Variants in RBFOX1 observed in about 807,000 individuals in gnomAD.
RBFOX1 encodes RNA binding protein fox-1 homolog 1.
Under a neutral mutation model 57.7 loss-of-function variants are expected in RBFOX1, and 8 were observed. The observed-to-expected ratio is 0.14, with a 90% CI of 0.08 to 0.25. The LOEUF is 0.25. Ranked by LOEUF, RBFOX1 falls within the 10% of genes least tolerant of loss-of-function variation. RBFOX1 has a pLI of 1.00. For missense variants in RBFOX1, 611 were observed against 548.5 expected, an observed-to-expected ratio of 1.11 and a Z score of -1.14; for synonymous variants, 326 against 222.4, an observed-to-expected ratio of 1.47 and a Z score of -4.15.
chr16:5,472,400 A>AG (rs1432206063), intron 2 of RBFOX1, among the ~76,000 whole-genome samples: 1 of 152,136 alleles, frequency 6.6e-6, no homozygotes, highest in African/African-American at 2.4e-5. Flanking sequence ...CATTTGCAGC[A>AG]GGGGGGATCC....
intron 3 of RBFOX1, among the ~76,000 whole-genome samples, chr16:6,734,173 T>A (rs183534772): frequency 6.6e-6 from 1 of 152,176 alleles, no homozygotes; most frequent in Non-Finnish European, 1.5e-5. Flanking sequence ...TTTTGTGCTT[T>A]TGATTTCAGC....
At chr16:6,403,799 A>G (rs1175465679) in intron 2 of RBFOX1, among the ~76,000 whole-genome samples, 2 of 152,290 alleles carry the variant, frequency 1.3e-5, no homozygotes, top group East Asian at 1.9e-4. Flanking sequence ...CCATGTATGG[A>G]AACCCTACCC....
intron 3 of RBFOX1, among the ~76,000 whole-genome samples, chr16:5,742,891 T>C (rs1025515593): frequency 6.6e-6 from 1 of 152,164 alleles, no homozygotes; most frequent in African/African-American, 2.4e-5. Flanking sequence ...TCTGGTCAGG[T>C]GTTGGGATAA....
intron 3 of RBFOX1, chr16:5,610,738 CAT>C (rs1387382666): frequency 1.3e-5 from 2 of 151,844 alleles, no homozygotes; most frequent in Non-Finnish European, 2.9e-5. Flanking sequence ...CGTGGTAGCA[CAT>C]GTCTTCAGTC....
At chr16:5,558,031 G>T (rs897348553) in intron 2 of RBFOX1, among the ~76,000 whole-genome samples, 1 of 152,130 alleles carries the variant, frequency 6.6e-6, no homozygotes, top group Non-Finnish European at 1.5e-5. Context: ...AACTCCGGGG[G>T]AGGACTGCCT....
intron 3 of RBFOX1, among the ~76,000 whole-genome samples, chr16:5,783,022 C>A (rs75665218): frequency 0.019 from 2,898 of 152,278 alleles, 100 homozygotes; most frequent in African/African-American, 0.064. Context: ...TGCATCCCCC[C>A]AAACACCCTC....
chr16:6,165,000 A>G (rs1299221582), intron 1 of RBFOX1, among the ~76,000 whole-genome samples: 3 of 152,140 alleles, frequency 2.0e-5, no homozygotes, highest in Admixed American at 6.5e-5. Flanking sequence ...ATTTATATGT[A>G]TATTTAATAT....
At chr16:7,428,658 A>C (rs1231450193) in intron 4 of RBFOX1, among the ~76,000 whole-genome samples, 1 of 151,808 alleles carries the variant, frequency 6.6e-6, no homozygotes, top group African/African-American at 2.4e-5. Context: ...GGTGTGAGTC[A>C]CTGCACCTGA....
intron 4 of RBFOX1, among the ~76,000 whole-genome samples, chr16:7,284,533 A>G (rs1015663051): frequency 6.6e-6 from 1 of 152,052 alleles, no homozygotes; most frequent in Non-Finnish European, 1.5e-5. Flanking sequence ...GTCCTGCTAT[A>G]TTGTCCAGAT....
intron 4 of RBFOX1, among the ~76,000 whole-genome samples, chr16:5,989,880 A>ACACACACACC (rs33912010): frequency 0.054 from 6,930 of 127,188 alleles, 445 homozygotes; most frequent in African/African-American, 0.12. Context: ...ACACACACAC[A>ACACACACACC]CCACCCCTGT....
chr16:6,899,313 G>A (rs908832365), intron 3 of RBFOX1, among the ~76,000 whole-genome samples: 3 of 152,152 alleles, frequency 2.0e-5, no homozygotes, highest in Admixed American at 6.6e-5. Flanking sequence ...GCATGTGTAT[G>A]TTTCAGGGTT....
At chr16:6,101,007 C>A (rs2096300353) in intron 1 of RBFOX1, among the ~76,000 whole-genome samples, 1 of 152,158 alleles carries the variant, frequency 6.6e-6, no homozygotes, top group Non-Finnish European at 1.5e-5. Context: ...CAGGTTCCTC[C>A]TATAGAGTTT....
At chr16:6,596,745 G>A (rs936810384) in intron 2 of RBFOX1, among the ~76,000 whole-genome samples, 1 of 152,132 alleles carries the variant, frequency 6.6e-6, no homozygotes, top group African/African-American at 2.4e-5. Flanking sequence ...TCTGAGCAAA[G>A]CCCTTCTTCC....
At chr16:7,167,951 A>C (rs905353849) in intron 4 of RBFOX1, among the ~76,000 whole-genome samples, 1 of 152,168 alleles carries the variant, frequency 6.6e-6, no homozygotes, top group Non-Finnish European at 1.5e-5. Flanking sequence ...GGATGTTTGT[A>C]GTGAGAGTCT....
intron 1 of RBFOX1, among the ~76,000 whole-genome samples, chr16:5,378,344 C>G (rs2066042314): frequency 6.6e-6 from 1 of 151,518 alleles, no homozygotes; most frequent in South Asian, 2.1e-4. Flanking sequence ...CGGACTCTCG[C>G]TCTCCAACAC....
At chr16:7,181,665 C>T (rs549739090) in intron 4 of RBFOX1, among the ~76,000 whole-genome samples, 14 of 152,018 alleles carry the variant, frequency 9.2e-5, no homozygotes, top group Non-Finnish European at 1.8e-4. Flanking sequence ...CAGGTCCAAG[C>T]GATTCGTGTG....
chr16:5,458,262 C>T (rs577791101), intron 1 of RBFOX1, among the ~76,000 whole-genome samples: 1 of 152,176 alleles, frequency 6.6e-6, no homozygotes, highest in Admixed American at 6.5e-5. Context: ...CCAGCATGTG[C>T]TGCATGTAGT....
intron 1 of RBFOX1, among the ~76,000 whole-genome samples, chr16:6,089,845 A>G (rs1226446921): frequency 2.0e-5 from 3 of 152,220 alleles, no homozygotes; most frequent in Non-Finnish European, 4.4e-5. Flanking sequence ...ATGTCATTGA[A>G]TCCTCTTAAG....
chr16:6,553,630 T>C (rs576443753), intron 2 of RBFOX1, among the ~76,000 whole-genome samples: 1 of 152,068 alleles, frequency 6.6e-6, no homozygotes, highest in South Asian at 2.1e-4. Flanking sequence ...GCGGTGGGGA[T>C]GGACGATCTC....
Sources: gnomAD v4.1 joint callset for allele counts (sites outside exome capture counted in the v4.1 genomes callset) on GRCh38, gnomAD v4.1.1 for gene constraint, MANE v1.5 for transcripts, NCBI Gene and HGNC (gene_info 2026-07-23, HGNC 2026-07-21) for gene names.